The following SLC38A9 variants were observed in gnomAD, a reference collection of about 807,000 sequenced individuals.
The protein encoded by SLC38A9 is neutral amino acid transporter 9.
SLC38A9 carries 48 observed loss-of-function variants against 62.3 expected under a neutral mutation model. That is an observed-to-expected ratio of 0.77 (90% confidence interval 0.61 to 0.98). The LOEUF is 0.98. Ranked by LOEUF, SLC38A9 falls within the 50% of genes least tolerant of loss-of-function variation. SLC38A9 has a pLI of 0.00. For missense variants in SLC38A9, 541 were observed against 679.8 expected, an observed-to-expected ratio of 0.80 and a Z score of 2.27; for synonymous variants, 204 against 227.7, an observed-to-expected ratio of 0.90 and a Z score of 0.94.
At chr5:55,697,699 T>A in intron 3 of SLC38A9, 147 bp downstream of exon 3, 2 of 408,838 alleles carry the variant, frequency 4.9e-6, no homozygotes, top group Non-Finnish European at 8.5e-6. Flanking sequence ...ATAGTATTCC[T>A]ATTTACTTCT....
chr5:55,648,435 T>G (rs1746786583), intron 11 of SLC38A9, among the ~76,000 whole-genome samples: 1 of 152,186 alleles, frequency 6.6e-6, no homozygotes, highest in South Asian at 2.1e-4. Flanking sequence ...AATAACAGAC[T>G]CCTTCACAAA....
At chr5:55,705,379 GTTA>G (rs1278680955) in intron 2 of SLC38A9, among the ~76,000 whole-genome samples, 3 of 138,570 alleles carry the variant, frequency 2.2e-5, no homozygotes, top group Non-Finnish European at 3.1e-5. Context: ...TGTTTTACAT[GTTA>G]TTGTTTAAAT....
intron 3 of SLC38A9, among the ~76,000 whole-genome samples, chr5:55,675,672 C>T (rs1196847428): frequency 7.9e-5 from 12 of 152,040 alleles, no homozygotes; most frequent in Non-Finnish European, 1.5e-5. Context: ...ATTTGTCTTA[C>T]CTTATAAATA....
At chr5:55,645,742 T>C in intron 12 of SLC38A9, 47 bp downstream of exon 12, 1 of 1,321,974 alleles carries the variant, frequency 7.6e-7, no homozygotes, top group South Asian at 1.3e-5. Context: ...ACTTAAAAAA[T>C]TTATCCTCGG....
intron 2 of SLC38A9, among the ~76,000 whole-genome samples, chr5:55,708,587 A>G (rs765005075): frequency 5.9e-5 from 9 of 152,212 alleles, no homozygotes; most frequent in Non-Finnish European, 1.0e-4. Flanking sequence ...CTTGTGCCCA[A>G]ATAAATGTGA....
intron 7 of SLC38A9, among the ~76,000 whole-genome samples, chr5:55,666,112 G>C (rs557039472): frequency 6.6e-6 from 1 of 152,034 alleles, no homozygotes; most frequent in Admixed American, 6.6e-5. Context: ...AATGGTGATC[G>C]TAGAAACATA....
intron 3 of SLC38A9, among the ~76,000 whole-genome samples, chr5:55,675,723 C>A (rs1752000809): frequency 1.3e-5 from 2 of 152,002 alleles, no homozygotes; most frequent in Non-Finnish European, 2.9e-5. Flanking sequence ...TAATATTAAG[C>A]AAAATGTACA....
Position 55,676,460 on chromosome 5 carries a change from G to T in SLC38A9, c.114-3765C>A, listed in dbSNP as rs187842265. Among the ~76,000 whole-genome samples, 199 of 152,316 alleles carry T rather than the reference G, an allele frequency of 1.3e-3. No individual in the cohort carries two copies. The Middle Eastern group carries it at 0.014, about 10-fold the overall frequency. ...CCCAAAGTGTTGGGATTAAAGGCAA[G>T]AGTCACCATACTGGCCTATAAATTT... On this transcript the variant is annotated intron_variant, in intron 3 of 15. Transcript: ENST00000396865.
rs145592477 is a variant in SLC38A9 at position 55,639,859 on chromosome 5, A to G, written c.1168-4202T>C. Among the ~76,000 whole-genome samples the G allele has an allele frequency of 2.5e-4, 38 of 151,974 alleles. No homozygotes were observed. In the East Asian group the frequency reaches 6.8e-3, roughly 27 times the overall value. ...CTTCATAAATGTTAGCTTTATCCTT[A>G]GTAATTATTAATATTTTAAGAAGTT... On this transcript the variant is annotated intron_variant, in intron 12 of 15. Transcript: ENST00000396865.
intron 3 of SLC38A9, among the ~76,000 whole-genome samples, chr5:55,677,850 C>T (rs1393090534): frequency 6.6e-6 from 1 of 151,578 alleles, no homozygotes; most frequent in Non-Finnish European, 1.5e-5. Flanking sequence ...TGTCTATCAA[C>T]TCTTCTCCTT....
chr5:55,698,018 G>A, intron 2 of SLC38A9, 26 bp from the exon 3 acceptor site: 1 of 810,088 alleles, frequency 1.2e-6, no homozygotes, highest in Non-Finnish European at 2.0e-6. Context: ...AAATAATTTA[G>A]TTTAATTTTA....
At chr5:55,698,908 G>C (rs1366119851) in intron 2 of SLC38A9, among the ~76,000 whole-genome samples, 1 of 151,978 alleles carries the variant, frequency 6.6e-6, no homozygotes, top group Non-Finnish European at 1.5e-5. Flanking sequence ...CTGCACTCCA[G>C]CCACCTGGAT....
chr5:55,683,109 T>C lies in SLC38A9; in HGVS notation c.114-10414A>G, dbSNP rs10043788. 5.5e-3 allele frequency among the ~76,000 whole-genome samples: 838 copies of C among 152,208 alleles called. 11 individuals carry two copies. Among genetic ancestry groups the C allele is most frequent in the African/African-American group, 0.02 (810 of 41,508 alleles). On this transcript the variant is annotated intron_variant, in intron 3 of 15. Coordinates refer to ENST00000396865, the MANE Select transcript of SLC38A9 (RefSeq NM_173514.4). Reference sequence around the variant, plus strand: ...GTAATGATGGCATGTAATATAAATTTAAAATGAAAAAGCAGCACAATAAAT... The same window carrying C: ...GTAATGATGGCATGTAATATAAATTCAAAATGAAAAAGCAGCACAATAAAT...
At chr5:55,684,889 G>T (rs971583382) in intron 3 of SLC38A9, among the ~76,000 whole-genome samples, 4 of 152,060 alleles carry the variant, frequency 2.6e-5, no homozygotes, top group African/African-American at 7.2e-5. Flanking sequence ...CCTGACCTCA[G>T]ATGATTCACC....
chr5:55,687,065 GTTTTTTT>G (rs56912932), intron 3 of SLC38A9, among the ~76,000 whole-genome samples: 6 of 125,704 alleles, frequency 4.8e-5, no homozygotes, highest in African/African-American at 1.6e-4. Context: ...CTCCAGCTTT[GTTTTTTT>G]TTTTTTTTTT....
rs534554635 is a variant in SLC38A9 at position 55,645,974 on chromosome 5, A to C, written c.1061-79T>G. 1.9e-5 allele frequency: 16 copies of C among 848,830 alleles called. No homozygotes were observed. The East Asian group carries it at 3.8e-4, about 20-fold the overall frequency. 52.6% of individuals were successfully genotyped at this position (848,830 alleles called of 1,614,324 possible). On this transcript the variant is annotated intron_variant, in intron 11 of 15. Coordinates refer to ENST00000396865, the MANE Select transcript of SLC38A9 (RefSeq NM_173514.4). ...TTGGTAGCCAAAAGTTGACTACTAA[A>C]AATCAGTTGTCACTGTTTTATCCAG...
At chr5:55,691,410 C>A in intron 3 of SLC38A9, 1 of 1,229,012 alleles carries the variant, frequency 8.1e-7, no homozygotes, top group Non-Finnish European at 1.0e-6. Context: ...TAATACTGGG[C>A]ATACAGAGAA....
At chr5:55,655,446 T>C (rs955127176) in intron 9 of SLC38A9, among the ~76,000 whole-genome samples, 1 of 152,190 alleles carries the variant, frequency 6.6e-6, no homozygotes, top group African/African-American at 2.4e-5. Flanking sequence ...TACAAGGATG[T>C]TATTTGATCC....
intron 2 of SLC38A9, 43 bp from the exon 3 acceptor site, chr5:55,698,035 TTTA>T: frequency 1.4e-6 from 1 of 719,212 alleles, no homozygotes; most frequent in Non-Finnish European, 2.3e-6. Flanking sequence ...TTTAAAATAT[TTTA>T]TTATCCATCA....
Sources: gnomAD v4.1 joint callset for allele counts (sites outside exome capture counted in the v4.1 genomes callset) on GRCh38, gnomAD v4.1.1 for gene constraint, MANE v1.5 for transcripts, NCBI Gene and HGNC (gene_info 2026-07-23, HGNC 2026-07-21) for gene names.